RTEL1: variants seen among roughly 807,000 people sequenced by gnomAD.
RTEL1 encodes regulator of telomere length.
Under a neutral mutation model 162.2 loss-of-function variants are expected in RTEL1, and 86 were observed. That is an observed-to-expected ratio of 0.53 (90% CI 0.45 to 0.63). The LOEUF (loss-of-function observed/expected upper bound fraction) is 0.63, where lower values mean the gene tolerates loss of function less well. RTEL1 is among the 30% of genes least tolerant of loss of function. RTEL1 has a pLI of 0.00. For synonymous variants in RTEL1, 958 were observed against 717.9 expected, an observed-to-expected ratio of 1.33 and a Z score of -5.35; for missense variants, 1,941 against 1,750.2, an observed-to-expected ratio of 1.11 and a Z score of -1.95.
rs369014080 is a variant in RTEL1, at chr20:63,690,334, G to A, written c.2306G>A (p.Arg769His). 129 of 1,610,550 alleles carry A rather than the reference G, an allele frequency of 8.0e-5. No individual in the cohort carries two copies. The highest frequency in any genetic ancestry group is 3.3e-4 in the Middle Eastern group (2 of 6,066). Residue 769 changes from arginine (R) to histidine (H), a missense_variant, in exon 26 of 35, where the codon CGT becomes CAT. Physicochemically the swap from Arg to His is conservative, Grantham distance 29 (BLOSUM62 0). Transcript: ENST00000360203. Reference sequence around the variant, plus strand: ...CCCCGGGCTACAGCACCCAGTGTGCGTGGAGAAGATGCTGTCAGCGAGGCC... The same window carrying A: ...CCCCGGGCTACAGCACCCAGTGTGCATGGAGAAGATGCTGTCAGCGAGGCC... ...PAPRATAPSV[R>H]GEDAVSEAKS...
intron 14 of RTEL1, chr20:63,682,699 G>A (rs1373615336): frequency 4.1e-6 from 4 of 985,854 alleles, no homozygotes; most frequent in Non-Finnish European, 3.6e-6. Context: ...GGTTGGGCCT[G>A]CAGCCCTGAG....
intron 7 of RTEL1, 147 bp from the exon 8 acceptor site, chr20:63,667,322 T>G (rs2090156550): frequency 5.8e-6 from 4 of 694,982 alleles, no homozygotes; most frequent in Non-Finnish European, 1.1e-5. Flanking sequence ...GAAACTCACG[T>G]GGACTCCCAT....
At chr20:63,667,205 C>T (rs956222226) in intron 7 of RTEL1, among the ~76,000 whole-genome samples, 5 of 152,120 alleles carry the variant, frequency 3.3e-5, no homozygotes, top group Admixed American at 6.6e-5. Flanking sequence ...GTTGGTTTTA[C>T]TTTTCCATCG....
At chr20:63,689,913 C>G (rs779561993) in intron 24 of RTEL1, 48 bp downstream of exon 24, 2 of 1,553,050 alleles carry the variant, frequency 1.3e-6, no homozygotes, top group East Asian at 4.5e-5. Context: ...CACGCCCACA[C>G]CCCACTGGGC....
chr20:63,680,728 T>C lies in RTEL1; in HGVS notation c.1191+9T>C. 1 of 1,613,292 alleles carries C rather than the reference T, an allele frequency of 6.2e-7. No individual in the cohort carries two copies. Among genetic ancestry groups the C allele is most frequent in the Non-Finnish European group, 8.5e-7 (1 of 1,179,914 alleles). On this transcript the variant is annotated intron_variant, in intron 14 of 34. Coordinates refer to ENST00000360203, the MANE Select transcript of RTEL1 (RefSeq NM_001283009.2). ...TGGCGGACATTATCCAGGTGGGGCCTGCTCCTCTGTGGCATCTCCTTCCCT... is the reference window on the plus strand; with the variant it reads ...TGGCGGACATTATCCAGGTGGGGCCCGCTCCTCTGTGGCATCTCCTTCCCT...
At position 63,693,293 on chromosome 20, in the gene RTEL1, G is replaced by GCC. The variant is rs756022261; in HGVS notation, c.2992+13_2992+14dup. 5.0e-6 allele frequency: 8 copies of GCC among 1,611,246 alleles called. No homozygotes were observed. In the Admixed American group the frequency reaches 1.3e-4, roughly 27 times the overall value. Reference sequence around the variant, plus strand: ...GTCCTGGACCCCACTGGTAAATGGGGCCCCAGGTGGGACCCTCAGACTCCT... The same window carrying GCC: ...GTCCTGGACCCCACTGGTAAATGGGGCCCCCCAGGTGGGACCCTCAGACTCCT... On this transcript the variant is annotated intron_variant, in intron 30 of 34. Coordinates refer to ENST00000360203, the MANE Select transcript of RTEL1 (RefSeq NM_001283009.2).
Position 63,694,942 on chromosome 20 carries a change from C to T in RTEL1, c.3311C>T (p.Thr1104Ile), listed in dbSNP as rs190297758. 6.0e-5 allele frequency: 97 copies of T among 1,612,608 alleles called. No individual in the cohort carries two copies. In the African/African-American group the frequency reaches 1.1e-3, roughly 19 times the overall value. ...KVLAVLAALT[T>I]AKPEDFPLLH... is the part of the protein sequence containing the mutation. Reference sequence around the variant, plus strand: ...CTGGCTGTGTTGGCCGCCCTGACCACTGCAAAGCCAGAGGACTTCCCCCTG... The same window carrying T: ...CTGGCTGTGTTGGCCGCCCTGACCATTGCAAAGCCAGAGGACTTCCCCCTG... Residue 1104 changes from threonine to isoleucine, a missense_variant, in exon 32 of 35, where the codon ACT (threonine) becomes ATT (isoleucine). Transcript: ENST00000360203.
intron 14 of RTEL1, chr20:63,681,245 T>C: frequency 3.0e-6 from 3 of 985,452 alleles, no homozygotes; most frequent in Non-Finnish European, 3.6e-6. Flanking sequence ...GGTCTGCTTC[T>C]GGCTCCATGC....
In RTEL1 at chr20:63,661,284, C is replaced by T. The variant is rs1240889397; in HGVS notation, c.103-14C>T. The stretch of plus-strand genomic sequence containing the variant: ...CCTGGCTTCCCCGTAACCCTTGCTC[C>T]GAACTCCGTTCAGAAGGTGAATGGC... On this transcript the variant is annotated splice_polypyrimidine_tract_variant and intron_variant, in intron 2 of 34. Coordinates refer to ENST00000360203, the MANE Select transcript of RTEL1 (RefSeq NM_001283009.2). This position sits in a 1 kb window ranked among gnomAD's most constrained non-coding sequence, Gnocchi z 5.1. 6.2e-6 allele frequency: 10 copies of T among 1,609,766 alleles called. No individual in the cohort carries two copies. The highest frequency in any genetic ancestry group is 1.7e-5 in the Admixed American group (1 of 59,964).
intron 14 of RTEL1, among the ~76,000 whole-genome samples, chr20:63,684,693 G>A (rs768546891): frequency 4.6e-5 from 7 of 152,038 alleles, no homozygotes; most frequent in South Asian, 2.1e-4. Flanking sequence ...GGCTGGTCTC[G>A]AACTCCTGAC....
intron 30 of RTEL1, 181 bp from the exon 31 acceptor site, chr20:63,694,191 C>T (rs2090904780): frequency 3.2e-6 from 2 of 618,852 alleles, no homozygotes; most frequent in Non-Finnish European, 5.8e-6. Flanking sequence ...GTTCCAGCCC[C>T]CATCCAGCAG....
chr20:63,675,788 G>A (rs1326607824), intron 10 of RTEL1, among the ~76,000 whole-genome samples: 1 of 152,170 alleles, frequency 6.6e-6, no homozygotes, highest in East Asian at 1.9e-4. Flanking sequence ...CTAACGGGGT[G>A]GACGGCCGCC....
intron 10 of RTEL1, 66 bp downstream of exon 10, chr20:63,674,159 G>T: frequency 6.5e-7 from 1 of 1,536,948 alleles, no homozygotes; most frequent in Admixed American, 1.9e-5. Context: ...CCCACCCGGA[G>T]TTCAGCACGG....
At position 63,696,212 on chromosome 20, in the gene RTEL1, C is replaced by T. The variant is rs565295260; in HGVS notation, c.*354C>T. ...CACGTGTCCACTTTTAATCAGGGGA[C>T]AGGGCTCTCTAATAAAGCTGCTGGC... On this transcript the variant is annotated 3_prime_UTR_variant, in exon 35 of 35. Transcript: ENST00000360203. 11 of 386,214 alleles carry T rather than the reference C, an allele frequency of 2.8e-5. No homozygotes were observed. The South Asian group carries it at 4.3e-4, about 15-fold the overall frequency. The allele number at this position is 386,214 out of a possible 1,614,324, so 23.9% of individuals were successfully genotyped here. A position where few individuals can be genotyped will look rare whatever the true frequency, so the allele number is the denominator to read the frequency against.
At chr20:63,693,473 C>CACG (rs2090840248) in intron 30 of RTEL1, among the ~76,000 whole-genome samples, 190 bp downstream of exon 30, 1 of 72,960 alleles carries the variant, frequency 1.4e-5, no homozygotes, top group Non-Finnish European at 2.9e-5. Flanking sequence ...CCACCTCCAC[C>CACG]TCCACCTCCA....
intron 8 of RTEL1, among the ~76,000 whole-genome samples, chr20:63,669,248 A>G (rs1159137017): frequency 6.6e-6 from 1 of 152,230 alleles, no homozygotes; most frequent in African/African-American, 2.4e-5. Context: ...ACAGCTGGAT[A>G]TCTGTTCGGA....
At chr20:63,683,699 C>T (rs2090525954) in intron 14 of RTEL1, among the ~76,000 whole-genome samples, 1 of 152,178 alleles carries the variant, frequency 6.6e-6, no homozygotes, top group African/African-American at 2.4e-5. Flanking sequence ...GGTGGCTTGG[C>T]TGACATGGCC....
chr20:63,687,444 G>A, intron 16 of RTEL1, 194 bp from the exon 17 acceptor site: 2 of 629,956 alleles, frequency 3.2e-6, no homozygotes, highest in Non-Finnish European at 5.3e-6. Flanking sequence ...TCCCCCAGAG[G>A]GGCCCCAAGC....
chr20:63,667,491 C>T lies in RTEL1; in HGVS notation c.637C>T (p.Arg213Trp), dbSNP rs560281693. The T allele has an allele frequency of 1.7e-5, 28 of 1,613,796 alleles. No homozygotes were observed. The highest frequency in any genetic ancestry group is 5.3e-5 in the African/African-American group (4 of 75,004). ...CAGGGTGTGCCCTTACTACCTGTCC[C>T]GGAACCTGAAGCAGCAAGCCGACAT... ...KHRVCPYYLS[R>W]NLKQQADIIF... is the part of the protein sequence containing the mutation. The change falls in exon 8 of 35, where the codon CGG becomes TGG. Residue 213 changes from arginine to tryptophan, a missense_variant. Transcript: ENST00000360203.
Sources: allele counts gnomAD v4.1 joint callset (sites outside exome capture counted in the v4.1 genomes callset), GRCh38; gene constraint gnomAD v4.1.1; non-coding constraint Gnocchi (gnomAD v3.1); transcripts MANE v1.5; gene names NCBI Gene and HGNC (gene_info 2026-07-23, HGNC 2026-07-21).